Variants in ORC5 observed in about 807,000 individuals in gnomAD.
ORC5 encodes protein phosphatase 1, regulatory subunit 117.
In ORC5, 39 loss-of-function variants were observed where a neutral mutation model predicts 58.8. The ratio of observed to expected loss-of-function variants is 0.66; its 90% CI spans 0.51 to 0.87. The LOEUF is 0.87. ORC5 is among the 40% of genes least tolerant of loss of function. The pLI, the probability that ORC5 is intolerant of heterozygous loss-of-function variation, is 0.00. For missense variants in ORC5, 493 were observed against 506.3 expected (o/e 0.97, Z 0.25); for synonymous variants, 218 against 177.6 (o/e 1.23, Z -1.81).
intron 8 of ORC5, among the ~76,000 whole-genome samples, chr7:104,169,211 G>A (rs1464350436): frequency 6.6e-6 from 1 of 152,150 alleles, no homozygotes; most frequent in East Asian, 1.9e-4. Flanking sequence ...ATCCCTCAAA[G>A]TAGGTATCAC....
At chr7:104,162,909 C>T (rs1222447693) in intron 11 of ORC5, among the ~76,000 whole-genome samples, 4 of 152,176 alleles carry the variant, frequency 2.6e-5, no homozygotes, top group African/African-American at 4.8e-5. Flanking sequence ...AAACAATACA[C>T]AGCATTGTTT....
intron 5 of ORC5, among the ~76,000 whole-genome samples, chr7:104,194,000 C>T (rs528115078): frequency 1.3e-5 from 2 of 151,046 alleles, no homozygotes; most frequent in Non-Finnish European, 3.0e-5. Flanking sequence ...GTAATATCAA[C>T]ATTTTTTAAT....
Position 104,129,951 on chromosome 7 carries a change from C to T in ORC5, c.1263-3058G>A, listed in dbSNP as rs571713525. Among the ~76,000 whole-genome samples, 116 of 152,058 alleles carry T rather than the reference C, an allele frequency of 7.6e-4. No individual in the cohort carries two copies. The highest frequency in any genetic ancestry group is 2.7e-3 in the South Asian group (13 of 4,806). The stretch of plus-strand genomic sequence containing the variant: ...CATATATTTAAGGATTTAATTTTGC[C>T]TTTATCCTTTTATTTCATTTTGTTG... On this transcript the variant is annotated intron_variant, in intron 13 of 13. Coordinates refer to ENST00000297431, the MANE Select transcript of ORC5 (RefSeq NM_002553.4). The surrounding 1 kb of genome is among the most constrained non-coding windows in gnomAD (Gnocchi z 4.9).
At chr7:104,161,847 T>C (rs1223403057) in intron 11 of ORC5, among the ~76,000 whole-genome samples, 1 of 152,174 alleles carries the variant, frequency 6.6e-6, no homozygotes, top group Non-Finnish European at 1.5e-5. Context: ...TCCAAGATAA[T>C]AACCAAACCA....
intron 12 of ORC5, among the ~76,000 whole-genome samples, chr7:104,151,384 A>G (rs1379091081): frequency 6.6e-6 from 1 of 152,186 alleles, no homozygotes; most frequent in Non-Finnish European, 1.5e-5. Context: ...GTGGAAAAAA[A>G]GGAGAATGTT....
chr7:104,201,329 C>A (rs1799937358), intron 2 of ORC5, among the ~76,000 whole-genome samples: 3 of 152,238 alleles, frequency 2.0e-5, no homozygotes, highest in East Asian at 1.9e-4. Context: ...GTTCCAATAA[C>A]AGCTCCTTTC....
intron 6 of ORC5, among the ~76,000 whole-genome samples, chr7:104,184,769 C>G (rs995318892): frequency 1.3e-5 from 2 of 152,118 alleles, no homozygotes; most frequent in Admixed American, 1.3e-4. Context: ...CTGATCACCC[C>G]CCACCTTGGA....
rs545327940 is a variant in ORC5 at position 104,180,344 on chromosome 7, T to G, written c.824+3599A>C. 9.8e-5 allele frequency among the ~76,000 whole-genome samples: 15 copies of G among 152,314 alleles called. 2 individuals are homozygous for G. Among genetic ancestry groups the G allele is most frequent in the Admixed American group, 9.2e-4 (14 of 15,296 alleles). On this transcript the variant is annotated intron_variant, in intron 8 of 13. Coordinates refer to ENST00000297431, the MANE Select transcript of ORC5 (RefSeq NM_002553.4). ...TTTGCATTTTATCAAGATAACTTTC[T>G]GTGTTTTCTTACTAGTTTTTTATTT... is the stretch of plus-strand genomic sequence containing the variant.
chr7:104,167,033 T>C (rs1799119176), intron 9 of ORC5, 149 bp from the exon 10 acceptor site: 1 of 570,154 alleles, frequency 1.8e-6, no homozygotes, highest in Non-Finnish European at 3.1e-6. Context: ...ATAATGATGG[T>C]CGTGGTGGTG....
intron 9 of ORC5, chr7:104,168,077 A>C (rs1799137664): frequency 5.4e-6 from 1 of 183,742 alleles, no homozygotes; most frequent in Non-Finnish European, 1.1e-5. Context: ...CAATGTTTTC[A>C]AAACATAACC....
intron 2 of ORC5, among the ~76,000 whole-genome samples, chr7:104,203,601 T>C (rs1042087195): frequency 1.3e-5 from 2 of 152,268 alleles, no homozygotes; most frequent in South Asian, 2.1e-4. Context: ...ACTTTGCAGA[T>C]GGAGAAAGCA....
At chr7:104,174,770 G>C (rs1299091287) in intron 8 of ORC5, among the ~76,000 whole-genome samples, 1 of 152,182 alleles carries the variant, frequency 6.6e-6, no homozygotes, top group Non-Finnish European at 1.5e-5. Flanking sequence ...AGGCAAAATA[G>C]AGGCATTTAA....
chr7:104,183,879 T>C, intron 8 of ORC5, 64 bp downstream of exon 8: 1 of 1,063,134 alleles, frequency 9.4e-7, no homozygotes, highest in East Asian at 2.4e-5. Flanking sequence ...GTTATTTAAG[T>C]TGAGAGAGTA....
chr7:104,137,027 G>T, intron 12 of ORC5, 134 bp from the exon 13 acceptor site: 1 of 618,720 alleles, frequency 1.6e-6, no homozygotes. Context: ...TGACTACTTT[G>T]CAATCTGTAA....
intron 5 of ORC5, among the ~76,000 whole-genome samples, chr7:104,193,392 C>A (rs1375086591): frequency 6.6e-6 from 1 of 151,984 alleles, no homozygotes; most frequent in East Asian, 1.9e-4. Flanking sequence ...CAAACTGACA[C>A]AATAACTAAA....
At chr7:104,183,880 TGA>T (rs1425621923) in intron 8 of ORC5, 61 bp downstream of exon 8, 25 of 1,069,902 alleles carry the variant, frequency 2.3e-5, no homozygotes, top group African/African-American at 3.2e-5. Context: ...TTATTTAAGT[TGA>T]GAGAGTATAT....
intron 2 of ORC5, among the ~76,000 whole-genome samples, 200 bp downstream of exon 2, chr7:104,203,942 A>G (rs1280939972): frequency 6.6e-6 from 1 of 152,190 alleles, no homozygotes; most frequent in African/African-American, 2.4e-5. Context: ...AAATGAGGGA[A>G]GATGAGGAAA....
rs780553058 is a variant in ORC5 at position 104,207,913 on chromosome 7, G to A, written c.-9C>T. 1 of 1,613,694 alleles carries A rather than the reference G, an allele frequency of 6.2e-7. No individual in the cohort carries two copies. Among genetic ancestry groups the A allele is most frequent in the African/African-American group, 1.3e-5 (1 of 74,896 alleles). On this transcript the variant is annotated 5_prime_UTR_variant, in exon 1 of 14. Transcript: ENST00000297431. ...TTTTCCAAGTGGGGCATTCTGGCAGGCACCACCGCAGAGGCCAGTGCAGCC... is the reference window on the plus strand; with the variant it reads ...TTTTCCAAGTGGGGCATTCTGGCAGACACCACCGCAGAGGCCAGTGCAGCC...
chr7:104,197,720 C>T lies in ORC5; in HGVS notation c.441+5G>A. On this transcript the variant is annotated splice_donor_5th_base_variant and intron_variant, in intron 4 of 13. Coordinates refer to ENST00000297431, the MANE Select transcript of ORC5 (RefSeq NM_002553.4). Reference sequence around the variant, plus strand: ...GGGGAGAAAGCACTTTCTCACATTACTTACCAATTCTTGTAATCTAAGAAA... The same window carrying T: ...GGGGAGAAAGCACTTTCTCACATTATTTACCAATTCTTGTAATCTAAGAAA... The T allele has an allele frequency of 1.9e-6, 3 of 1,586,990 alleles. No homozygotes were observed. Among genetic ancestry groups the T allele is most frequent in the South Asian group, 2.3e-5 (2 of 85,636 alleles).
Sources: allele counts gnomAD v4.1 joint callset (sites outside exome capture counted in the v4.1 genomes callset), GRCh38; gene constraint gnomAD v4.1.1; non-coding constraint Gnocchi (gnomAD v3.1); transcripts MANE v1.5; gene names NCBI Gene and HGNC (gene_info 2026-07-23, HGNC 2026-07-21).